SASH1: variants seen among roughly 807,000 people sequenced by gnomAD.
SASH1 encodes the protein SAM and SH3 domain containing 1.
SASH1 carries 44 observed loss-of-function variants against 125.2 expected under a neutral mutation model. That is an observed-to-expected ratio of 0.35 (90% confidence interval 0.28 to 0.45). The LOEUF (loss-of-function observed/expected upper bound fraction) is 0.45, where lower values mean the gene tolerates loss of function less well. SASH1 is among the 20% of genes least tolerant of loss of function. The pLI is 1.00. For synonymous variants in SASH1, 639 were observed against 649.1 expected (o/e 0.98, Z 0.24); for missense variants, 1,426 against 1,614.5 (o/e 0.88, Z 2.00).
intron 1 of SASH1, among the ~76,000 whole-genome samples, chr6:148,378,917 G>T (rs1783021566): frequency 6.6e-6 from 1 of 152,196 alleles, no homozygotes. Flanking sequence ...GCTGGCCAAG[G>T]GCTGGATGAG....
At chr6:148,321,283 T>G (rs9403936) in intron 1 of SASH1, among the ~76,000 whole-genome samples, 4 of 151,806 alleles carry the variant, frequency 2.6e-5, no homozygotes, top group Non-Finnish European at 5.9e-5. Context: ...CCCACCTACT[T>G]GGGAAGCTGA....
At chr6:148,317,451 T>G (rs1287498136) in intron 1 of SASH1, among the ~76,000 whole-genome samples, 1 of 152,170 alleles carries the variant, frequency 6.6e-6, no homozygotes, top group Non-Finnish European at 1.5e-5. Flanking sequence ...TGAGATGGAG[T>G]TTCACTCTTG....
chr6:148,286,343 G>A (rs1231178230), intron 1 of SASH1, among the ~76,000 whole-genome samples: 1 of 151,840 alleles, frequency 6.6e-6, no homozygotes, highest in African/African-American at 2.4e-5. Context: ...GGAGGTTGCT[G>A]TGAGCCGAGA....
intron 1 of SASH1, among the ~76,000 whole-genome samples, chr6:148,387,652 CTTTCTTTCTTTCTTTCTTT>C (rs1783507727): frequency 2.1e-5 from 1 of 47,304 alleles, no homozygotes; most frequent in African/African-American, 9.5e-5. Flanking sequence ...TTCTTTCTTT[CTTTCTTTCTTTCTTTCTTT>C]CTTTCTTTCT....
intron 4 of SASH1, among the ~76,000 whole-genome samples, chr6:148,449,533 A>T (rs1478511961): frequency 2.6e-5 from 4 of 151,794 alleles, no homozygotes; most frequent in African/African-American, 9.7e-5. Context: ...GATTACAGGC[A>T]TGCACCACCA....
At chr6:148,411,166 C>CAA (rs56342457) in intron 2 of SASH1, among the ~76,000 whole-genome samples, 519 of 46,184 alleles carry the variant, frequency 0.011, 33 homozygotes, top group Middle Eastern at 0.05. Flanking sequence ...ACTCCATCTC[C>CAA]AAAAAAAAAA....
chr6:148,440,084 C>A (rs1433482031), intron 2 of SASH1, 100 bp from the exon 3 acceptor site: 5 of 1,125,964 alleles, frequency 4.4e-6, no homozygotes, highest in African/African-American at 1.5e-5. Context: ...TATACCCCAA[C>A]CTTTCCCGAA....
chr6:148,233,410 C>G, the SASH1 span, among the ~76,000 whole-genome samples: 55 of 152,048 alleles, frequency 3.6e-4, no homozygotes, highest in East Asian at 2.7e-3. Flanking sequence ...CAGTGTCCAC[C>G]TTTTTTCCTT....
intron 2 of SASH1, among the ~76,000 whole-genome samples, chr6:148,432,707 A>G (rs1776116289): frequency 6.6e-6 from 1 of 152,184 alleles, no homozygotes; most frequent in Non-Finnish European, 1.5e-5. Context: ...CCAGCTGTGA[A>G]GTTCATTTGG....
At chr6:148,259,132 G>A in the SASH1 span, among the ~76,000 whole-genome samples, 1 of 152,220 alleles carries the variant, frequency 6.6e-6, no homozygotes, top group African/African-American at 2.4e-5. Flanking sequence ...TGCGAGGGAT[G>A]AGGGAGAGAT....
chr6:148,300,735 G>A (rs1018553871), intron 1 of SASH1, among the ~76,000 whole-genome samples: 3 of 151,788 alleles, frequency 2.0e-5, no homozygotes, highest in African/African-American at 7.3e-5. Context: ...TGCCTGCCTC[G>A]GCCTCCCAAA....
intron 4 of SASH1, among the ~76,000 whole-genome samples, chr6:148,441,853 A>G (rs1776560040): frequency 6.6e-6 from 1 of 152,170 alleles, no homozygotes. Flanking sequence ...AAAATGTGGC[A>G]TGGCTCTTGT....
At chr6:148,425,247 A>T (rs749149106) in intron 2 of SASH1, among the ~76,000 whole-genome samples, 44 of 152,224 alleles carry the variant, frequency 2.9e-4, no homozygotes, top group Admixed American at 7.2e-4. Flanking sequence ...CTTTGTCAGT[A>T]TATTGTAGTA....
intron 8 of SASH1, chr6:148,513,389 GCA>G: frequency 4.1e-6 from 4 of 985,464 alleles, no homozygotes; most frequent in Non-Finnish European, 4.8e-6. Flanking sequence ...CACCCGTGTT[GCA>G]CACTCGTTTA....
intron 1 of SASH1, among the ~76,000 whole-genome samples, chr6:148,351,572 C>A (rs1174552123): frequency 2.0e-5 from 3 of 149,214 alleles, no homozygotes; most frequent in South Asian, 2.1e-4. Context: ...ATAAGAATCA[C>A]ATGATTTTTA....
intron 4 of SASH1, among the ~76,000 whole-genome samples, chr6:148,451,419 A>G (rs1452678254): frequency 6.6e-6 from 1 of 152,240 alleles, no homozygotes; most frequent in Non-Finnish European, 1.5e-5. Flanking sequence ...AAATTGCCAA[A>G]TCTTTTTCTA....
In SASH1 at chr6:148,548,525, C is replaced by T. The variant is rs866446051; in HGVS notation, c.3711C>T (p.Leu1237=). ...GAAAGCTCCTATCTGCAGCCAGACT[C>T]TTCAAACTGCCGCCAGGCCCTGAGG... ...HIRKLLSAAR[L]FKLPPGPEAM The change falls in exon 20 of 20, where the codon CTC becomes CTT. Residue 1237 remains leucine, a synonymous_variant. Coordinates refer to ENST00000367467, the MANE Select transcript of SASH1 (RefSeq NM_015278.5). 2.5e-6 allele frequency: 4 copies of T among 1,611,862 alleles called. No individual in the cohort carries two copies. In the Middle Eastern group the frequency reaches 6.6e-4, roughly 266 times the overall value.
intron 8 of SASH1, among the ~76,000 whole-genome samples, chr6:148,497,386 A>G (rs1779357933): frequency 6.6e-6 from 1 of 152,194 alleles, no homozygotes. Flanking sequence ...GTTTCCACAA[A>G]GTTACACAAG....
intron 1 of SASH1, among the ~76,000 whole-genome samples, chr6:148,308,061 A>G (rs1052946765): frequency 1.3e-5 from 2 of 151,934 alleles, no homozygotes; most frequent in African/African-American, 4.8e-5. Flanking sequence ...CTGTGTCCTC[A>G]CTATCTTTTT....
Sources: allele counts gnomAD v4.1 joint callset (sites outside exome capture counted in the v4.1 genomes callset), GRCh38; gene constraint gnomAD v4.1.1; transcripts MANE v1.5; gene names NCBI Gene and HGNC (gene_info 2026-07-23, HGNC 2026-07-21).